The following RNF169 variants were observed in gnomAD, a reference collection of about 807,000 sequenced individuals.
The protein encoded by RNF169 is ring finger protein 169.
A neutral mutation model predicts 53.9 loss-of-function variants in RNF169; 24 were observed. The ratio of observed to expected loss-of-function variants is 0.45; its 90% CI spans 0.32 to 0.63. The LOEUF (loss-of-function observed/expected upper bound fraction) is 0.63, where lower values mean the gene tolerates loss of function less well. RNF169 is among the 20% of genes least tolerant of loss of function. RNF169 has a pLI of 0.04. For missense variants in RNF169, 883 were observed against 906.2 expected (o/e 0.97, Z 0.33); for synonymous variants, 396 against 363.5 (o/e 1.09, Z -1.02).
intron 2 of RNF169, among the ~76,000 whole-genome samples, chr11:74,799,544 T>C (rs1221002955): frequency 1.3e-5 from 2 of 152,182 alleles, no homozygotes; most frequent in Non-Finnish European, 2.9e-5. Context: ...TTGTTTAGGG[T>C]CAGGATCAGT....
intron 4 of RNF169, among the ~76,000 whole-genome samples, chr11:74,821,626 C>T (rs1331104295): frequency 1.6e-5 from 1 of 60,674 alleles, no homozygotes; most frequent in Non-Finnish European, 2.6e-5. Context: ...CCACTGCACT[C>T]CAGCCTGGGC....
At chr11:74,771,427 G>A (rs1006890320) in intron 1 of RNF169, among the ~76,000 whole-genome samples, 20 of 152,144 alleles carry the variant, frequency 1.3e-4, no homozygotes, top group African/African-American at 4.6e-4. Flanking sequence ...TTAACTGGTC[G>A]CTATTATGGC....
chr11:74,796,158 G>A (rs944364985), intron 2 of RNF169, among the ~76,000 whole-genome samples: 1 of 151,706 alleles, frequency 6.6e-6, no homozygotes, highest in African/African-American at 2.4e-5. Flanking sequence ...CTATCTTTTG[G>A]GTATTTGTGA....
At chr11:74,769,258 T>G (rs1050009563) in intron 1 of RNF169, among the ~76,000 whole-genome samples, 3 of 152,176 alleles carry the variant, frequency 2.0e-5, no homozygotes, top group Non-Finnish European at 2.9e-5. Context: ...CTGGTAAACA[T>G]CTAGAATGAT....
chr11:74,789,834 C>T, intron 2 of RNF169, 135 bp downstream of exon 2: 1 of 488,938 alleles, frequency 2.0e-6, no homozygotes, highest in Non-Finnish European at 3.6e-6. Context: ...CTTATACCAG[C>T]CTAGTTAGAT....
intron 2 of RNF169, among the ~76,000 whole-genome samples, chr11:74,792,067 A>G (rs1465617256): frequency 6.6e-6 from 1 of 152,224 alleles, no homozygotes; most frequent in Non-Finnish European, 1.5e-5. Flanking sequence ...GCTAGTTACT[A>G]TATATTCTCT....
chr11:74,801,883 A>C (rs2035736155), intron 2 of RNF169, among the ~76,000 whole-genome samples: 2 of 151,934 alleles, frequency 1.3e-5, no homozygotes, highest in African/African-American at 2.4e-5. Flanking sequence ...AGCTTGTGAA[A>C]CCCCCCTTAG....
intron 2 of RNF169, among the ~76,000 whole-genome samples, chr11:74,796,885 A>T (rs995895109): frequency 6.6e-6 from 1 of 152,148 alleles, no homozygotes; most frequent in South Asian, 2.1e-4. Context: ...AGGTCTTGCT[A>T]TGTTGTCCAG....
intron 5 of RNF169, 45 bp downstream of exon 5, chr11:74,834,820 A>G: frequency 1.5e-6 from 2 of 1,312,186 alleles, no homozygotes; most frequent in Non-Finnish European, 2.2e-6. Flanking sequence ...GGCTTGCCCC[A>G]TCACCCCCTC....
intron 2 of RNF169, among the ~76,000 whole-genome samples, chr11:74,792,044 A>T (rs1193826988): frequency 2.0e-5 from 3 of 152,262 alleles, no homozygotes; most frequent in East Asian, 3.8e-4. Context: ...AGAAAAGATC[A>T]TAGGAAACTG....
At chr11:74,801,235 G>T (rs1412499433) in intron 2 of RNF169, among the ~76,000 whole-genome samples, 1 of 152,170 alleles carries the variant, frequency 6.6e-6, no homozygotes, top group Non-Finnish European at 1.5e-5. Context: ...TGGCTTTTAT[G>T]CACGTTAGCC....
chr11:74,749,380 C>T lies in RNF169; in HGVS notation c.500C>T (p.Pro167Leu), dbSNP rs201004558. The change falls in exon 1 of 6, where the codon CCA becomes CTA. Residue 167 changes from proline (P) to leucine (L), a missense_variant and splice_region_variant. Physicochemically the swap from Pro to Leu is moderately conservative, Grantham distance 98. This residue lies in a region of RNF169 where 313 missense variants were observed against 279.9 expected (regional missense o/e 1.12). Coordinates refer to ENST00000299563, the MANE Select transcript of RNF169 (RefSeq NM_001098638.2). ...GAGCCGCGTGCCGCGCCTGCGGAGC[C>T]AGGTGGAGCTTCCCCACTTCCCCTT... ...EQEPRAAPAE[P>L]DFIFRAPIKL... The T allele has an allele frequency of 5.2e-3, 6,521 of 1,247,718 alleles. 29 individuals are homozygous for T. Among genetic ancestry groups the T allele is most frequent in the Non-Finnish European group, 5.5e-3 (5,432 of 992,736 alleles). The allele number at this position is 1,247,718 out of a possible 1,614,324, so 77.3% of individuals were successfully genotyped here.
At chr11:74,785,254 G>GTTATATATATTATAT (rs2035481477) in intron 1 of RNF169, among the ~76,000 whole-genome samples, 2 of 135,706 alleles carry the variant, frequency 1.5e-5, no homozygotes, top group African/African-American at 5.6e-5. Context: ...ATATATGTTA[G>GTTATATATATTATAT]ATATATATGT....
chr11:74,791,005 G>T (rs2035571073), intron 2 of RNF169, among the ~76,000 whole-genome samples: 1 of 152,244 alleles, frequency 6.6e-6, no homozygotes, highest in Non-Finnish European at 1.5e-5. Flanking sequence ...CCAAGTTCTT[G>T]TCCTGTGTCC....
chr11:74,791,531 G>A (rs1048079584), intron 2 of RNF169, among the ~76,000 whole-genome samples: 7 of 152,214 alleles, frequency 4.6e-5, no homozygotes, highest in African/African-American at 1.7e-4. Flanking sequence ...CTGTCCTCTG[G>A]GGTGCCCAAA....
In RNF169 at chr11:74,838,045, GT is replaced by G. The variant is rs1194368868; in HGVS notation, c.*1318del. The G allele has an allele frequency of 6.6e-6, 1 of 152,164 alleles. No individual in the cohort carries two copies. The highest frequency in any genetic ancestry group is 1.9e-4 in the East Asian group (1 of 5,196). The allele number at this position is 152,164 out of a possible 1,614,324, so 9.4% of individuals were successfully genotyped here. On this transcript the variant is annotated 3_prime_UTR_variant, in exon 6 of 6. Transcript: ENST00000299563. ...GAGCTTATATATCCCAATATATGTT[GT>G]TTCCTTTGAGTAGCCCCAGCAGGAT...
At chr11:74,819,269 C>A (rs539057579) in intron 4 of RNF169, among the ~76,000 whole-genome samples, 15 of 152,146 alleles carry the variant, frequency 9.9e-5, no homozygotes, top group Non-Finnish European at 1.9e-4. Context: ...TCATCTTATT[C>A]AGTCCATTTG....
rs1197800875 is a variant in RNF169, at chr11:74,810,236, A to G, written c.629A>G (p.Lys210Arg). 3.1e-6 allele frequency: 5 copies of G among 1,613,482 alleles called. No homozygotes were observed. The African/African-American group carries it at 4.0e-5, about 13-fold the overall frequency. ...EEKPSEDQIH[K>R]LLPEDTETGK... ...AAACCCTCTGAAGATCAAATCCACA[A>G]GCTGTTACCAGAGGATACAGAAACA... The change falls in exon 3 of 6, where the codon AAG (lysine) becomes AGG (arginine). Residue 210 changes from lysine (K) to arginine (R), a missense_variant. Lys to Arg is a conservative substitution (Grantham distance 26). Coordinates refer to ENST00000299563, the MANE Select transcript of RNF169 (RefSeq NM_001098638.2).
At chr11:74,780,812 T>G (rs1004322961) in intron 1 of RNF169, among the ~76,000 whole-genome samples, 2 of 152,162 alleles carry the variant, frequency 1.3e-5, no homozygotes, top group African/African-American at 2.4e-5. Flanking sequence ...TTTCAGACAT[T>G]TGTGGATTCT....
Sources: allele counts gnomAD v4.1 joint callset (sites outside exome capture counted in the v4.1 genomes callset), GRCh38; gene constraint gnomAD v4.1.1; regional missense constraint gnomAD v4.1.1; transcripts MANE v1.5; gene names NCBI Gene and HGNC (gene_info 2026-07-23, HGNC 2026-07-21).